Variants in FAM222B observed in about 807,000 individuals in gnomAD.
FAM222B encodes protein FAM222B.
Under a neutral mutation model 38.0 loss-of-function variants are expected in FAM222B, and 12 were observed. The ratio of observed to expected loss-of-function variants is 0.32; its 90% CI spans 0.20 to 0.51. The LOEUF (loss-of-function observed/expected upper bound fraction) is 0.51. Among genes scored for constraint, FAM222B ranks in the 20% least tolerant of loss-of-function variants. The pLI is 0.97. For missense variants in FAM222B, 716 were observed against 754.2 expected (o/e 0.95, Z 0.59); for synonymous variants, 329 against 317.2 (o/e 1.04, Z -0.40).
At chr17:28,837,811 C>G (rs1228106176) in intron 1 of FAM222B, among the ~76,000 whole-genome samples, 1 of 152,004 alleles carries the variant, frequency 6.6e-6, no homozygotes, top group Admixed American at 6.6e-5. Context: ...TGCCACCATG[C>G]CCAGCTAATC....
At chr17:28,774,771 G>A (rs1290955665) in intron 1 of FAM222B, among the ~76,000 whole-genome samples, 6 of 151,508 alleles carry the variant, frequency 4.0e-5, no homozygotes, top group African/African-American at 1.5e-4. Context: ...GTGAAACCCC[G>A]TCTCTACTAA....
chr17:28,854,849 A>C, intron 1 of FAM222B: 1 of 609,322 alleles, frequency 1.6e-6, no homozygotes, highest in Non-Finnish European at 2.8e-6. Context: ...CAGACTCTAA[A>C]TACACATTTT....
At chr17:28,845,688 G>A (rs2039140776), upstream of FAM222B, among the ~76,000 whole-genome samples, 1 of 151,200 alleles carries the variant, frequency 6.6e-6, no homozygotes, top group Non-Finnish European at 1.5e-5. Context: ...AAGGTCAGGA[G>A]ATCGAGACCA....
At chr17:28,816,464 G>GT (rs1403604663) in intron 1 of FAM222B, among the ~76,000 whole-genome samples, 1 of 151,542 alleles carries the variant, frequency 6.6e-6, no homozygotes, top group Non-Finnish European at 1.5e-5. Context: ...ATTAGTTTAG[G>GT]TAATATCCCT....
intron 1 of FAM222B, among the ~76,000 whole-genome samples, chr17:28,852,696 C>G (rs1036649220): frequency 6.6e-6 from 1 of 152,108 alleles, no homozygotes; most frequent in East Asian, 1.9e-4. Flanking sequence ...ACAGCCCTCT[C>G]CTGCTCAATA....
At chr17:28,811,900 TTTTC>T (rs2037783692) in intron 1 of FAM222B, among the ~76,000 whole-genome samples, 1 of 152,046 alleles carries the variant, frequency 6.6e-6, no homozygotes, top group African/African-American at 2.4e-5. Flanking sequence ...CTAGCTTGCC[TTTTC>T]TTTTTTTTAA....
intron 1 of FAM222B, chr17:28,790,260 C>G (rs2036602584): frequency 6.6e-6 from 1 of 152,054 alleles, no homozygotes; most frequent in Non-Finnish European, 1.5e-5. Context: ...GCCCTGTCTC[C>G]TAAAAATACT....
rs1439550803 is a variant in FAM222B at position 28,778,695 on chromosome 17, G to A, written c.-40-11988C>T. Among the ~76,000 whole-genome samples, 153 of 88,130 alleles carry A rather than the reference G, an allele frequency of 1.7e-3. 3 individuals are homozygous for A. Among genetic ancestry groups the A allele is most frequent in the African/African-American group, 6.8e-3 (135 of 19,764 alleles). 57.8% of individuals were successfully genotyped at this position (88,130 alleles called of 152,430 possible). On this transcript the variant is annotated intron_variant, in intron 1 of 2. Transcript: ENST00000581407. ...ATTTTTTTTTTGTGTGTGTGTGTGT[G>A]TGTATATATATATATATATATATAT...
chr17:28,769,826 G>A (rs767185094), intron 1 of FAM222B, among the ~76,000 whole-genome samples: 1 of 152,048 alleles, frequency 6.6e-6, no homozygotes, highest in Non-Finnish European at 1.5e-5. Flanking sequence ...ACACGCTACC[G>A]CTTTAGGACT....
chr17:28,763,998 T>C (rs2035209616), intron 2 of FAM222B, among the ~76,000 whole-genome samples: 2 of 152,172 alleles, frequency 1.3e-5, no homozygotes, highest in South Asian at 4.1e-4. Flanking sequence ...AAAGTTGTTA[T>C]CTGAAGATGG....
chr17:28,850,118 C>A (rs2039171162), intron 1 of FAM222B, among the ~76,000 whole-genome samples: 1 of 151,916 alleles, frequency 6.6e-6, no homozygotes, highest in Non-Finnish European at 1.5e-5. Context: ...ATTATTTAAG[C>A]TATTGTCCTA....
intron 1 of FAM222B, among the ~76,000 whole-genome samples, chr17:28,783,652 G>A (rs146368074): frequency 9.2e-5 from 14 of 152,166 alleles, no homozygotes; most frequent in African/African-American, 3.1e-4. Flanking sequence ...TGGGATTACA[G>A]GCACGCACCA....
At chr17:28,761,032 A>T (rs562406927) in intron 2 of FAM222B, among the ~76,000 whole-genome samples, 4 of 152,242 alleles carry the variant, frequency 2.6e-5, no homozygotes, top group Non-Finnish European at 4.4e-5. Flanking sequence ...TTCAGTCCTG[A>T]GAGCCAAAAA....
At chr17:28,824,996 C>T (rs1461565478) in intron 1 of FAM222B, among the ~76,000 whole-genome samples, 3 of 152,080 alleles carry the variant, frequency 2.0e-5, no homozygotes, top group Non-Finnish European at 4.4e-5. Flanking sequence ...AACTCCTGAC[C>T]TCGGTGATCC....
chr17:28,819,990 A>C (rs548364989), intron 1 of FAM222B, among the ~76,000 whole-genome samples: 1 of 152,364 alleles, frequency 6.6e-6, no homozygotes, highest in African/African-American at 2.4e-5. Flanking sequence ...ACAAAAAGGT[A>C]AATGGATTGT....
At chr17:28,847,715 C>G (rs1458379296), upstream of FAM222B, among the ~76,000 whole-genome samples, 2 of 151,860 alleles carry the variant, frequency 1.3e-5, no homozygotes, top group Non-Finnish European at 2.9e-5. Flanking sequence ...GAGATCGAGA[C>G]CATTCTGGCT....
At chr17:28,839,885 C>T (rs1251349329) in intron 1 of FAM222B, among the ~76,000 whole-genome samples, 1 of 151,452 alleles carries the variant, frequency 6.6e-6, no homozygotes, top group Non-Finnish European at 1.5e-5. Flanking sequence ...GTTCATTTTT[C>T]CCATTCCTGT....
chr17:28,850,905 G>A (rs886494490), intron 1 of FAM222B, among the ~76,000 whole-genome samples: 1 of 151,996 alleles, frequency 6.6e-6, no homozygotes, highest in African/African-American at 2.4e-5. Flanking sequence ...CAAATCACAA[G>A]GTTAGGAGTT....
chr17:28,771,214 A>C (rs2035617307), intron 1 of FAM222B, among the ~76,000 whole-genome samples: 1 of 152,094 alleles, frequency 6.6e-6, no homozygotes, highest in Non-Finnish European at 1.5e-5. Context: ...AGTTGGCCTC[A>C]ATCATCGGAT....
Sources: gnomAD v4.1 joint callset for allele counts (sites outside exome capture counted in the v4.1 genomes callset) on GRCh38, gnomAD v4.1.1 for gene constraint, MANE v1.5 for transcripts, NCBI Gene and HGNC (gene_info 2026-07-23, HGNC 2026-07-21) for gene names.